The following ZC2HC1B variants were observed in gnomAD, a reference collection of about 807,000 sequenced individuals.
ZC2HC1B encodes zinc finger C2HC-type containing 1B.
A neutral mutation model predicts 31.0 loss-of-function variants in ZC2HC1B; 36 were observed. The observed-to-expected ratio is 1.16, with a 90% CI of 0.89 to 1.54. ZC2HC1B has a LOEUF of 1.54. ZC2HC1B is among the 40% of genes most tolerant of loss of function. The probability of loss-of-function intolerance (pLI) is 0.00; values close to 1 mark genes in which losing one functional copy is unlikely to be tolerated. For missense variants in ZC2HC1B, 260 were observed against 268.6 expected (o/e 0.97, Z 0.22); for synonymous variants, 73 against 88.0 (o/e 0.83, Z 0.95).
chr6:143,901,537 G>C lies in ZC2HC1B; in HGVS notation c.490-1507G>C, dbSNP rs919036163. On this transcript the variant is annotated intron_variant, in intron 5 of 7. Transcript: ENST00000237275. Reference sequence around the variant, plus strand: ...GGTCTCCCAAAGTGCTGGGATTACAGGCATGAGACCCCGTGCCCGGCCAGG... The same window carrying C: ...GGTCTCCCAAAGTGCTGGGATTACACGCATGAGACCCCGTGCCCGGCCAGG... Among the ~76,000 whole-genome samples, 7 of 152,064 alleles carry C rather than the reference G, an allele frequency of 4.6e-5. No individual in the cohort carries two copies. In the East Asian group the frequency reaches 1.3e-3, roughly 29 times the overall value.
In ZC2HC1B at chr6:143,913,821, G is replaced by T; in HGVS notation, c.598+10669G>T. 6.6e-6 allele frequency among the ~76,000 whole-genome samples: 1 copy of T among 152,172 alleles called. No individual in the cohort carries two copies. Among genetic ancestry groups the T allele is most frequent in the Admixed American group, 6.5e-5 (1 of 15,276 alleles). On this transcript the variant is annotated intron_variant, in intron 6 of 7. Coordinates refer to ENST00000237275, the MANE Select transcript of ZC2HC1B (RefSeq NM_001013623.3). This position sits in a 1 kb window ranked among gnomAD's most constrained non-coding sequence, Gnocchi z 5.7. The stretch of plus-strand genomic sequence containing the variant: ...CTTGGCTCCATGTCACTCCTGGTGG[G>T]CCATTGCGCCACCCTACTTTTCTTC...
At chr6:143,902,849 C>A (rs1777751914) in intron 5 of ZC2HC1B, among the ~76,000 whole-genome samples, 195 bp from the exon 6 acceptor site, 2 of 152,152 alleles carry the variant, frequency 1.3e-5, no homozygotes, top group South Asian at 4.2e-4. Context: ...TTGCTTTGAG[C>A]ACCAGCTGGG....
In ZC2HC1B at chr6:143,885,951, T is replaced by G. The variant is rs1343285084; in HGVS notation, c.91-81T>G. 2.2e-5 allele frequency: 30 copies of G among 1,388,896 alleles called. No individual in the cohort carries two copies. The highest frequency in any genetic ancestry group is 2.7e-5 in the Non-Finnish European group (29 of 1,065,654). 86.0% of individuals were successfully genotyped at this position (1,388,896 alleles called of 1,614,324 possible). On this transcript the variant is annotated intron_variant, in intron 2 of 7. Coordinates refer to ENST00000237275, the MANE Select transcript of ZC2HC1B (RefSeq NM_001013623.3). The surrounding 1 kb of genome is among the most constrained non-coding windows in gnomAD (Gnocchi z 4.2). Reference sequence around the variant, plus strand: ...TGAGGAGCAAACATAGTCCCTGGAGTGGGGGCTGTCTAGGTACACCTAGGC... The same window carrying G: ...TGAGGAGCAAACATAGTCCCTGGAGGGGGGGCTGTCTAGGTACACCTAGGC...
At chr6:143,892,895 A>T (rs889043524) in intron 4 of ZC2HC1B, among the ~76,000 whole-genome samples, 6 of 152,128 alleles carry the variant, frequency 3.9e-5, no homozygotes, top group African/African-American at 1.2e-4. Flanking sequence ...ATCCACTAAT[A>T]ATTTTTTTTT....
At chr6:143,876,167 A>G (rs1777406576) in intron 1 of ZC2HC1B, among the ~76,000 whole-genome samples, 1 of 150,544 alleles carries the variant, frequency 6.6e-6, no homozygotes, top group Non-Finnish European at 1.5e-5. Context: ...ACTCTCACTC[A>G]GGGCAATCTT....
At position 143,899,746 on chromosome 6, in the gene ZC2HC1B, C is replaced by T. The variant is rs1001713185; in HGVS notation, c.489+1055C>T. ...GGGGTGGGACCGTTTCCAACAAAAG[C>T]GGATCCCACAGACTGTGGATCCTGA... On this transcript the variant is annotated intron_variant, in intron 5 of 7. Coordinates refer to ENST00000237275, the MANE Select transcript of ZC2HC1B (RefSeq NM_001013623.3). This position sits in a 1 kb window ranked among gnomAD's most constrained non-coding sequence, Gnocchi z 5.0. Among the ~76,000 whole-genome samples the T allele has an allele frequency of 2.0e-5, 3 of 152,164 alleles. No homozygotes were observed. Among genetic ancestry groups the T allele is most frequent in the South Asian group, 2.1e-4 (1 of 4,832 alleles).
At chr6:143,901,600 C>G (rs1241431043) in intron 5 of ZC2HC1B, among the ~76,000 whole-genome samples, 1 of 151,946 alleles carries the variant, frequency 6.6e-6, no homozygotes, top group Non-Finnish European at 1.5e-5. Context: ...TAAACTTGGC[C>G]GAGTTACTTA....
intron 6 of ZC2HC1B, among the ~76,000 whole-genome samples, chr6:143,936,127 A>G (rs1242291245): frequency 6.6e-6 from 1 of 152,220 alleles, no homozygotes; most frequent in Non-Finnish European, 1.5e-5. Context: ...TTCATACCAG[A>G]GGAGACACAT....
chr6:143,890,398 CA>C (rs35848743), intron 4 of ZC2HC1B, among the ~76,000 whole-genome samples: 9,565 of 63,124 alleles, frequency 0.15, 480 homozygotes, highest in African/African-American at 0.26. Flanking sequence ...CAATACAATA[CA>C]AAAAAAAAAA....
chr6:143,896,100 C>T lies in ZC2HC1B; in HGVS notation c.350-2452C>T, dbSNP rs79692623. Among the ~76,000 whole-genome samples, 1,177 of 152,322 alleles carry T rather than the reference C, an allele frequency of 7.7e-3. 12 individuals are homozygous for T. Among genetic ancestry groups the T allele is most frequent in the African/African-American group, 0.027 (1,122 of 41,566 alleles). ...GACTCTCTCCTGCCTGCTCTCTGCC[C>T]CTCTGGTGGGGCCTTATGTTCCTTC... On this transcript the variant is annotated intron_variant, in intron 4 of 7. Transcript: ENST00000237275.
At position 143,873,108 on chromosome 6, in the gene ZC2HC1B, G is replaced by A. The variant is rs144515878; in HGVS notation, c.28+8541G>A. 6.3e-3 allele frequency among the ~76,000 whole-genome samples: 964 copies of A among 152,292 alleles called. 7 individuals are homozygous for A. The highest frequency in any genetic ancestry group is 0.021 in the African/African-American group (864 of 41,570). On this transcript the variant is annotated intron_variant, in intron 1 of 7. Transcript: ENST00000237275. ...TAGTTACTTCCTAGATAAAATGAGG[G>A]TGCAGGTATTGGGTAAATACAGCCA...
At chr6:143,892,581 A>G (rs1264625829) in intron 4 of ZC2HC1B, among the ~76,000 whole-genome samples, 1 of 152,158 alleles carries the variant, frequency 6.6e-6, no homozygotes, top group Admixed American at 6.5e-5. Flanking sequence ...TACAGGCGTG[A>G]GCCACTGCGC....
rs1777295773 is a variant in ZC2HC1B, at chr6:143,868,465, C to CT, written c.28+3898_28+3899insT. On this transcript the variant is annotated intron_variant, in intron 1 of 7. Coordinates refer to ENST00000237275, the MANE Select transcript of ZC2HC1B (RefSeq NM_001013623.3). The surrounding 1 kb of genome is among the most constrained non-coding windows in gnomAD (Gnocchi z 4.2). ...AGGCTAGGCCAGTCTAGTCTTTTCACATTTTTTTTTTCTGCCTGCTTTAGA... is the reference window on the plus strand; with the variant it reads ...AGGCTAGGCCAGTCTAGTCTTTTCACTATTTTTTTTTTCTGCCTGCTTTAGA... 7.8e-6 allele frequency among the ~76,000 whole-genome samples: 1 copy of CT among 128,316 alleles called. No individual in the cohort carries two copies. The highest frequency in any genetic ancestry group is 1.6e-5 in the Non-Finnish European group (1 of 62,696). The allele number at this position is 128,316 out of a possible 152,430, so 84.2% of individuals were successfully genotyped here. A position where few individuals can be genotyped will look rare whatever the true frequency, so the allele number is the denominator to read the frequency against.
intron 6 of ZC2HC1B, among the ~76,000 whole-genome samples, chr6:143,932,822 C>T (rs1179737316): frequency 4.6e-5 from 7 of 152,158 alleles, no homozygotes; most frequent in East Asian, 3.8e-4. Flanking sequence ...TCAAGGGCAG[C>T]TGTTCAGATT....
rs769627646 is a variant in ZC2HC1B at position 143,865,706 on chromosome 6, A to G, written c.28+1139A>G. On this transcript the variant is annotated intron_variant, in intron 1 of 7. Transcript: ENST00000237275. The surrounding 1 kb of genome is among the most constrained non-coding windows in gnomAD (Gnocchi z 4.4). ...AATGGATAGATGGGAAAGATTTCAG[A>G]AAAGAATTAAACATAGAACCATAGC... Among the ~76,000 whole-genome samples, 48 of 139,422 alleles carry G rather than the reference A, an allele frequency of 3.4e-4. 1 individual carries two copies. Among genetic ancestry groups the G allele is most frequent in the South Asian group, 7.5e-4 (3 of 4,016 alleles). The allele number at this position is 139,422 out of a possible 152,430, so 91.5% of individuals were successfully genotyped here.
chr6:143,937,542 G>A, intron 6 of ZC2HC1B, 107 bp from the exon 7 acceptor site: 22 of 669,752 alleles, frequency 3.3e-5, no homozygotes, highest in South Asian at 1.4e-4. Context: ...CCAAAAAAAA[G>A]GAAGAATAGA....
rs1337188945 is a variant in ZC2HC1B at position 143,886,152 on chromosome 6, G to C, written c.210+1G>C. The C allele has an allele frequency of 6.5e-7, 1 of 1,531,776 alleles. No homozygotes were observed. The highest frequency in any genetic ancestry group is 8.8e-7 in the Non-Finnish European group (1 of 1,141,168). 94.9% of individuals were successfully genotyped at this position (1,531,776 alleles called of 1,614,324 possible). On this transcript the variant is annotated splice_donor_variant, in intron 3 of 7. Coordinates refer to ENST00000237275, the MANE Select transcript of ZC2HC1B (RefSeq NM_001013623.3). LOFTEE classifies it high-confidence loss of function. The surrounding 1 kb of genome is among the most constrained non-coding windows in gnomAD (Gnocchi z 4.2). ...TGTGAAGAAGACTCCACAATCCAAG[G>C]TACTCCTGATATCTTCTTTAGTGTT...
At chr6:143,880,173 A>G (rs1205066795) in intron 1 of ZC2HC1B, among the ~76,000 whole-genome samples, 1 of 152,086 alleles carries the variant, frequency 6.6e-6, no homozygotes, top group Non-Finnish European at 1.5e-5. Flanking sequence ...TCACTCCCAG[A>G]TTACTTTCTG....
rs755449083 is a variant in ZC2HC1B, at chr6:143,871,965, G to A, written c.28+7398G>A. On this transcript the variant is annotated intron_variant, in intron 1 of 7. Coordinates refer to ENST00000237275, the MANE Select transcript of ZC2HC1B (RefSeq NM_001013623.3). The surrounding 1 kb of genome is among the most constrained non-coding windows in gnomAD (Gnocchi z 4.1). ...ATTATTACCTGACCTCCATAAGCCC[G>A]TACGTTAACTGGAGGACCATAATGA... 2.0e-5 allele frequency among the ~76,000 whole-genome samples: 3 copies of A among 152,122 alleles called. No homozygotes were observed. Among genetic ancestry groups the A allele is most frequent in the Admixed American group, 6.6e-5 (1 of 15,264 alleles).
Sources: allele counts gnomAD v4.1 joint callset (sites outside exome capture counted in the v4.1 genomes callset), GRCh38; gene constraint gnomAD v4.1.1; non-coding constraint Gnocchi (gnomAD v3.1); transcripts MANE v1.5; gene names NCBI Gene and HGNC (gene_info 2026-07-23, HGNC 2026-07-21).